MYOF: variants seen among roughly 807,000 people sequenced by gnomAD.
The protein encoded by MYOF is fer-1-like 3, myoferlin.
Under a neutral mutation model 284.2 loss-of-function variants are expected in MYOF, and 244 were observed. The observed-to-expected ratio is 0.86, with a 90% confidence interval of 0.77 to 0.95. The LOEUF is 0.95. Among genes scored for constraint, MYOF ranks in the 40% least tolerant of loss-of-function variants. The pLI is 0.00. For synonymous variants in MYOF, 904 were observed against 919.7 expected (o/e 0.98, Z 0.31); for missense variants, 2,496 against 2,560.6 (o/e 0.97, Z 0.54).
intron 45 of MYOF, 146 bp from the exon 46 acceptor site, chr10:93,326,111 G>T (rs1286293806): frequency 1.9e-6 from 2 of 1,078,812 alleles, no homozygotes; most frequent in Non-Finnish European, 2.7e-6. Context: ...TGTGAAGGAA[G>T]AGTTGACAGA....
intron 5 of MYOF, among the ~76,000 whole-genome samples, chr10:93,412,422 A>G (rs1847933180): frequency 6.6e-6 from 1 of 152,128 alleles, no homozygotes; most frequent in Admixed American, 6.5e-5. Context: ...GGGCACCTGG[A>G]TCCAAGCTCT....
chr10:93,350,570 C>T (rs1844462160), intron 35 of MYOF, among the ~76,000 whole-genome samples: 1 of 152,194 alleles, frequency 6.6e-6, no homozygotes, highest in African/African-American at 2.4e-5. Context: ...GCCTTGGCCT[C>T]CCAAAGTGCT....
intron 13 of MYOF, 136 bp from the exon 14 acceptor site, chr10:93,397,592 A>T: frequency 1.8e-6 from 1 of 549,628 alleles, no homozygotes; most frequent in Non-Finnish European, 3.1e-6. Context: ...ATTTTTCTTG[A>T]TGATTTGTAA....
intron 26 of MYOF, among the ~76,000 whole-genome samples, chr10:93,364,336 G>C (rs942590401): frequency 2.0e-5 from 3 of 152,256 alleles, no homozygotes; most frequent in Non-Finnish European, 4.4e-5. Flanking sequence ...TCAGTAATGA[G>C]GATGGGGTCT....
intron 53 of MYOF, among the ~76,000 whole-genome samples, chr10:93,309,568 A>G (rs1019720722): frequency 2.6e-5 from 4 of 152,156 alleles, no homozygotes; most frequent in Admixed American, 2.0e-4. Flanking sequence ...ATATTTGGGG[A>G]GGTTGGGATC....
intron 19 of MYOF, among the ~76,000 whole-genome samples, chr10:93,386,547 G>T (rs188484283): frequency 1.3e-5 from 2 of 152,314 alleles, no homozygotes; most frequent in East Asian, 1.9e-4. Flanking sequence ...CTGAGGCTGG[G>T]GGGTGGAGAG....
intron 24 of MYOF, 61 bp from the exon 25 acceptor site, chr10:93,369,837 G>T (rs1845506771): frequency 1.3e-6 from 2 of 1,592,222 alleles, no homozygotes; most frequent in South Asian, 1.1e-5. Context: ...GTGACATTAA[G>T]TTAAAGCCAA....
At position 93,389,103 on chromosome 10, in the gene MYOF, T is replaced by C; in HGVS notation, c.1508A>G (p.Tyr503Cys). The C allele has an allele frequency of 1.2e-6, 2 of 1,614,168 alleles. No homozygotes were observed. Among genetic ancestry groups the C allele is most frequent in the Non-Finnish European group, 1.7e-6 (2 of 1,180,006 alleles). Residue 503 changes from tyrosine (Y) to cysteine (C), a missense_variant, in exon 18 of 54, where the codon TAC becomes TGC. Transcript: ENST00000359263. Reference sequence around the variant, plus strand: ...TCTGGGGCTTCCATAAAGATTCAGGTAACAAGGTCCAAACGTTGGAACAAA... The same window carrying C: ...TCTGGGGCTTCCATAAAGATTCAGGCAACAAGGTCCAAACGTTGGAACAAA... ...VGFVPTFGPC[Y>C]LNLYGSPREY... is the part of the protein sequence containing the mutation.
chr10:93,353,772 A>G, intron 32 of MYOF, 39 bp downstream of exon 32: 2 of 1,489,868 alleles, frequency 1.3e-6, no homozygotes, highest in South Asian at 1.2e-5. Flanking sequence ...ATAGCATGCT[A>G]TGTAATCATG....
rs922095539 is a variant in MYOF at position 93,482,282 on chromosome 10, G to A, written c.-88C>T. 2 of 1,110,328 alleles carry A rather than the reference G, an allele frequency of 1.8e-6. No individual in the cohort carries two copies. Among genetic ancestry groups the A allele is most frequent in the South Asian group, 2.7e-5 (2 of 73,030 alleles). The allele number at this position is 1,110,328 out of a possible 1,614,324, so 68.8% of individuals were successfully genotyped here. Reference sequence around the variant, plus strand: ...CGGGTCGCACCGCCCTGGGAGAGAAGTTCTCTCCCAGTGAAGGGAGGATTT... The same window carrying A: ...CGGGTCGCACCGCCCTGGGAGAGAAATTCTCTCCCAGTGAAGGGAGGATTT... On this transcript the variant is annotated 5_prime_UTR_variant, in exon 1 of 54. Coordinates refer to ENST00000359263, the MANE Select transcript of MYOF (RefSeq NM_013451.4).
intron 5 of MYOF, among the ~76,000 whole-genome samples, chr10:93,422,375 G>A (rs901231535): frequency 1.3e-5 from 2 of 152,356 alleles, no homozygotes; most frequent in African/African-American, 2.4e-5. Flanking sequence ...AGACTCCTAA[G>A]GGGATGGTGG....
chr10:93,448,251 T>G (rs2056491775), intron 3 of MYOF, among the ~76,000 whole-genome samples: 1 of 151,614 alleles, frequency 6.6e-6, no homozygotes, highest in East Asian at 2.0e-4. Context: ...TTCATTATAT[T>G]AGGTTGGTGC....
intron 9 of MYOF, 90 bp downstream of exon 9, chr10:93,403,933 G>A (rs1481929483): frequency 2.5e-5 from 35 of 1,381,432 alleles, no homozygotes; most frequent in Non-Finnish European, 3.5e-5. Context: ...TTCCCAAGAT[G>A]CCACCAAGAT....
In MYOF at chr10:93,327,445, C is replaced by T. The variant is rs76739485; in HGVS notation, c.5131+1318G>A. Reference sequence around the variant, plus strand: ...TGTGGCACAAGCTCATGGCCAGCCTCGGCCAGAACTGTTCACCTGAGCCCG... The same window carrying T: ...TGTGGCACAAGCTCATGGCCAGCCTTGGCCAGAACTGTTCACCTGAGCCCG... On this transcript the variant is annotated intron_variant, in intron 45 of 53. Coordinates refer to ENST00000359263, the MANE Select transcript of MYOF (RefSeq NM_013451.4). Among the ~76,000 whole-genome samples, 5 of 152,202 alleles carry T rather than the reference C, an allele frequency of 3.3e-5. No homozygotes were observed. The East Asian group carries it at 5.8e-4, about 18-fold the overall frequency.
At chr10:93,309,579 A>G (rs75229029) in intron 53 of MYOF, among the ~76,000 whole-genome samples, 7,332 of 152,278 alleles carry the variant, frequency 0.048, 259 homozygotes, top group Non-Finnish European at 0.074. Flanking sequence ...GGTTGGGATC[A>G]ATGATCTAGT....
chr10:93,313,055 A>G lies in MYOF; in HGVS notation c.5854T>C (p.Cys1952Arg). 6.2e-7 allele frequency: 1 copy of G among 1,613,652 alleles called. No homozygotes were observed. Among genetic ancestry groups the G allele is most frequent in the African/African-American group, 1.3e-5 (1 of 75,032 alleles). ...CGGGCGCCATCTTTCTCTGCGTAGC[A>G]TGGCCACCATCCTTTCATGGACTTC... The part of the protein sequence containing the change: ...EQKSMKGWWP[C>R]YAEKDGARVM... The change falls in exon 51 of 54, where the codon TGC becomes CGC. Residue 1952 changes from cysteine (C) to arginine (R), a missense_variant. This residue lies in a region of MYOF where 2,436 missense variants were observed against 2,480.7 expected (regional missense o/e 0.98). Transcript: ENST00000359263.
chr10:93,445,339 G>A (rs2056400077), intron 3 of MYOF, among the ~76,000 whole-genome samples: 1 of 152,172 alleles, frequency 6.6e-6, no homozygotes, highest in African/African-American at 2.4e-5. Context: ...GATCAATTGG[G>A]GTAATGAATG....
chr10:93,401,648 A>C, intron 11 of MYOF, 104 bp from the exon 12 acceptor site: 1 of 1,463,548 alleles, frequency 6.8e-7, no homozygotes, highest in Non-Finnish European at 9.2e-7. Flanking sequence ...GTTTCCATTA[A>C]GATTTCCTGT....
chr10:93,430,238 G>A (rs1219619472), intron 4 of MYOF, among the ~76,000 whole-genome samples: 1 of 151,176 alleles, frequency 6.6e-6, no homozygotes, highest in Non-Finnish European at 1.5e-5. Flanking sequence ...CCAGCAAGAT[G>A]TACTTATTGA....
Sources: allele counts gnomAD v4.1 joint callset (sites outside exome capture counted in the v4.1 genomes callset), GRCh38; gene constraint gnomAD v4.1.1; regional missense constraint gnomAD v4.1.1; transcripts MANE v1.5; gene names NCBI Gene and HGNC (gene_info 2026-07-23, HGNC 2026-07-21).